CD2AP: variants seen among roughly 807,000 people sequenced by gnomAD.
CD2AP encodes the protein CD2-associated protein.
CD2AP carries 46 observed loss-of-function variants against 85.1 expected under a neutral mutation model. The observed-to-expected ratio is 0.54, with a 90% CI of 0.43 to 0.69. The LOEUF is 0.69. Among genes scored for constraint, CD2AP ranks in the 30% least tolerant of loss-of-function variants. The probability of loss-of-function intolerance (pLI) is 0.00; values close to 1 mark genes in which losing one functional copy is unlikely to be tolerated. For missense variants in CD2AP, 769 were observed against 729.5 expected (o/e 1.05, Z -0.62); for synonymous variants, 255 against 252.9 (o/e 1.01, Z -0.08).
intron 5 of CD2AP, among the ~76,000 whole-genome samples, chr6:47,568,423 T>C (rs1027649712): frequency 3.3e-4 from 51 of 152,246 alleles, no homozygotes; most frequent in Middle Eastern, 3.4e-3. Flanking sequence ...AAACTGGGGC[T>C]TGATAGTACT....
At chr6:47,501,536 T>C (rs530538608) in intron 1 of CD2AP, among the ~76,000 whole-genome samples, 2 of 152,180 alleles carry the variant, frequency 1.3e-5, no homozygotes, top group African/African-American at 4.8e-5. Flanking sequence ...ATTAAGGTTC[T>C]ATGAGAAAGG....
intron 3 of CD2AP, among the ~76,000 whole-genome samples, chr6:47,542,034 C>G (rs953203455): frequency 6.6e-6 from 1 of 152,190 alleles, no homozygotes; most frequent in Non-Finnish European, 1.5e-5. Flanking sequence ...CCACATCTGT[C>G]CCACCTTCTT....
chr6:47,579,046 ATTTTGTAACTGCTGCTAAAAG>A (rs1200585811), intron 8 of CD2AP, among the ~76,000 whole-genome samples: 20 of 152,304 alleles, frequency 1.3e-4, no homozygotes, highest in African/African-American at 4.8e-4. Flanking sequence ...ACTAAACGCA[ATTTTGTAACTGCTGCTAAAAG>A]TAATACGTGG....
Position 47,624,721 on chromosome 6 carries a change from G to GTGTGTATA in CD2AP, c.*495_*496insGTGTATAT, listed in dbSNP as rs886061525. ...TGTGTGTGTGTGTGTGTGTGTGTGT[G>GTGTGTATA]TATATATATATATATATTTTTACTT... On this transcript the variant is annotated 3_prime_UTR_variant, in exon 18 of 18. Coordinates refer to ENST00000359314, the MANE Select transcript of CD2AP (RefSeq NM_012120.3). The GTGTGTATA allele has an allele frequency of 1.0e-4, 12 of 120,084 alleles. No individual in the cohort carries two copies. The highest frequency in any genetic ancestry group is 3.3e-4 in the African/African-American group (11 of 33,250). 7.4% of individuals were successfully genotyped at this position (120,084 alleles called of 1,614,324 possible). A position where few individuals can be genotyped will look rare whatever the true frequency, so the allele number is the denominator to read the frequency against.
intron 11 of CD2AP, among the ~76,000 whole-genome samples, chr6:47,591,153 C>A (rs6907011): frequency 1.3e-4 from 20 of 151,984 alleles, no homozygotes; most frequent in African/African-American, 4.6e-4. Flanking sequence ...GAGCTACACA[C>A]AGCAAAATGA....
chr6:47,482,595 G>C (rs1246686529), intron 1 of CD2AP, among the ~76,000 whole-genome samples: 1 of 152,040 alleles, frequency 6.6e-6, no homozygotes, highest in East Asian at 1.9e-4. Context: ...AGCCAGGATG[G>C]TCTCGATCTC....
At chr6:47,574,386 G>T in intron 6 of CD2AP, 135 bp downstream of exon 6, 1 of 749,390 alleles carries the variant, frequency 1.3e-6, no homozygotes, top group East Asian at 2.7e-5. Context: ...GAATGAGGAG[G>T]CTGTGAGAAA....
At chr6:47,504,399 C>T (rs1370629728) in intron 2 of CD2AP, among the ~76,000 whole-genome samples, 1 of 152,114 alleles carries the variant, frequency 6.6e-6, no homozygotes, top group Non-Finnish European at 1.5e-5. Flanking sequence ...TGTGGTTTCA[C>T]CTCCAAGTAT....
Position 47,570,360 on chromosome 6 carries a change from C to T in CD2AP, c.542-3704C>T, listed in dbSNP as rs540104705. Among the ~76,000 whole-genome samples, 14 of 152,218 alleles carry T rather than the reference C, an allele frequency of 9.2e-5. No homozygotes were observed. The South Asian group carries it at 2.7e-3, about 29-fold the overall frequency. On this transcript the variant is annotated intron_variant, in intron 5 of 17. Transcript: ENST00000359314. ...TTGTTTTATGACTGATAGCAACATACATAAAATGCAGATGTTTTTCTTCAA... is the reference window on the plus strand; with the variant it reads ...TTGTTTTATGACTGATAGCAACATATATAAAATGCAGATGTTTTTCTTCAA...
chr6:47,574,258 A>G lies in CD2AP; in HGVS notation c.729+7A>G, dbSNP rs1768241508. 2.5e-6 allele frequency: 4 copies of G among 1,612,338 alleles called. No individual in the cohort carries two copies. The highest frequency in any genetic ancestry group is 2.7e-5 in the African/African-American group (2 of 75,042). On this transcript the variant is annotated splice_region_variant and intron_variant, in intron 6 of 17. Coordinates refer to ENST00000359314, the MANE Select transcript of CD2AP (RefSeq NM_012120.3). ...AGAGAAAAAACCAGAAAAGGTGGTA[A>G]TGATGGACTTGTTAGATTAACTCCA...
At chr6:47,534,946 C>T (rs1656870925) in intron 3 of CD2AP, among the ~76,000 whole-genome samples, 2 of 151,954 alleles carry the variant, frequency 1.3e-5, no homozygotes, top group Admixed American at 1.3e-4. Flanking sequence ...AGGTGTGTGC[C>T]ACCACGTCTG....
intron 2 of CD2AP, among the ~76,000 whole-genome samples, chr6:47,512,195 C>T (rs1486285983): frequency 2.0e-5 from 3 of 148,664 alleles, no homozygotes; most frequent in East Asian, 2.0e-4. Flanking sequence ...ACAAAAAATT[C>T]GCCGGGAGTG....
chr6:47,615,416 C>T (rs897325798), intron 17 of CD2AP, among the ~76,000 whole-genome samples: 4 of 152,092 alleles, frequency 2.6e-5, no homozygotes, highest in Admixed American at 2.6e-4. Flanking sequence ...GTTCTACAGG[C>T]TGTATAGGAG....
intron 1 of CD2AP, among the ~76,000 whole-genome samples, chr6:47,495,349 A>G (rs570435098): frequency 2.0e-5 from 3 of 152,234 alleles, no homozygotes; most frequent in Admixed American, 6.5e-5. Flanking sequence ...TAAGCAAAGG[A>G]ACACTAAAAA....
chr6:47,576,874 G>A lies in CD2AP; in HGVS notation c.809-135G>A, dbSNP rs535431429. On this transcript the variant is annotated intron_variant, in intron 7 of 17. Transcript: ENST00000359314. ...ACTTAACATACGGTATTGACTATAA[G>A]TATTTTAAAATTTAAAGATAATTAA... 6 of 670,444 alleles carry A rather than the reference G, an allele frequency of 8.9e-6. No homozygotes were observed. The East Asian group carries it at 1.6e-4, about 18-fold the overall frequency. 41.5% of individuals were successfully genotyped at this position (670,444 alleles called of 1,614,324 possible).
intron 11 of CD2AP, among the ~76,000 whole-genome samples, chr6:47,591,120 C>T (rs886338339): frequency 1.3e-5 from 2 of 151,112 alleles, no homozygotes; most frequent in Admixed American, 6.6e-5. Context: ...CATGTTACCA[C>T]GTAGCAACAA....
At chr6:47,601,931 TTAAC>T (rs1469451005) in intron 13 of CD2AP, among the ~76,000 whole-genome samples, 10 of 151,988 alleles carry the variant, frequency 6.6e-5, no homozygotes, top group African/African-American at 1.7e-4. Context: ...GTTTTTTCCC[TTAAC>T]TAACAATGGA....
intron 14 of CD2AP, 140 bp from the exon 15 acceptor site, chr6:47,607,787 C>A: frequency 1.6e-6 from 1 of 616,322 alleles, no homozygotes; most frequent in East Asian, 2.7e-5. Flanking sequence ...AAGTATATAG[C>A]ATCCTATTAA....
chr6:47,511,616 G>A (rs1766314836), intron 2 of CD2AP, among the ~76,000 whole-genome samples: 1 of 152,042 alleles, frequency 6.6e-6, no homozygotes, highest in African/African-American at 2.4e-5. Flanking sequence ...TACTTCCTTT[G>A]TAACTCTTCT....
Sources: allele counts gnomAD v4.1 joint callset (sites outside exome capture counted in the v4.1 genomes callset), GRCh38; gene constraint gnomAD v4.1.1; transcripts MANE v1.5; gene names NCBI Gene and HGNC (gene_info 2026-07-23, HGNC 2026-07-21).